Variants in STRIP2 observed in about 807,000 individuals in gnomAD.
STRIP2 encodes striatin interacting protein 2.
STRIP2 carries 84 observed loss-of-function variants against 107.1 expected under a neutral mutation model. The observed-to-expected ratio is 0.78, with a 90% confidence interval of 0.66 to 0.94. STRIP2 has a LOEUF of 0.94. Ranked by LOEUF, STRIP2 falls within the 40% of genes least tolerant of loss-of-function variation. The pLI is 0.00. For missense variants in STRIP2, 888 were observed against 1,034.2 expected (o/e 0.86, Z 1.94); for synonymous variants, 394 against 400.4 (o/e 0.98, Z 0.19).
At chr7:129,484,900 G>C (rs1344651288) in intron 20 of STRIP2, among the ~76,000 whole-genome samples, 1 of 152,142 alleles carries the variant, frequency 6.6e-6, no homozygotes, top group Non-Finnish European at 1.5e-5. Context: ...TGGGAGATTT[G>C]TATCTTCAGC....
intron 18 of STRIP2, among the ~76,000 whole-genome samples, chr7:129,475,664 A>G (rs565410402): frequency 8.5e-4 from 129 of 151,282 alleles, no homozygotes; most frequent in Non-Finnish European, 1.5e-3. Context: ...TCAGCAGATA[A>G]ACAAGTGAAC....
At chr7:129,438,254 G>A (rs919128638) in intron 1 of STRIP2, among the ~76,000 whole-genome samples, 19 of 152,114 alleles carry the variant, frequency 1.2e-4, no homozygotes, top group Admixed American at 5.2e-4. Context: ...AGAAAAAAGT[G>A]TAAGTCTATT....
Position 129,458,046 on chromosome 7 carries a change from G to C in STRIP2, c.1039-169G>C. 1 of 674,094 alleles carries C rather than the reference G, an allele frequency of 1.5e-6. No homozygotes were observed. The highest frequency in any genetic ancestry group is 1.6e-5 in the South Asian group (1 of 61,226). 41.8% of individuals were successfully genotyped at this position (674,094 alleles called of 1,614,324 possible). On this transcript the variant is annotated intron_variant, in intron 9 of 20. Coordinates refer to ENST00000249344, the MANE Select transcript of STRIP2 (RefSeq NM_020704.3). This position sits in a 1 kb window ranked among gnomAD's most constrained non-coding sequence, Gnocchi z 4.6. ...CTGAGAACTTCTTGTCCTGTTATTG[G>C]GCCGGGTGGGGACAGTAGGTTAAGG...
intron 6 of STRIP2, 78 bp from the exon 7 acceptor site, chr7:129,454,343 C>T: frequency 6.8e-7 from 1 of 1,461,948 alleles, no homozygotes; most frequent in Non-Finnish European, 9.6e-7. Context: ...GGGCTTCCCA[C>T]AGAGACCATC....
intron 20 of STRIP2, among the ~76,000 whole-genome samples, chr7:129,484,019 T>C (rs952384558): frequency 2.6e-5 from 4 of 152,212 alleles, no homozygotes; most frequent in African/African-American, 4.8e-5. Context: ...GTGCTGGGAT[T>C]ACAGGTGTAA....
intron 18 of STRIP2, chr7:129,478,002 A>G (rs922027625): frequency 1.4e-5 from 7 of 485,476 alleles, no homozygotes; most frequent in South Asian, 9.4e-5. Context: ...CTTGTGATAG[A>G]TAAGTGTGTG....
chr7:129,472,410 A>G (rs1220123219), intron 18 of STRIP2, among the ~76,000 whole-genome samples: 5 of 152,212 alleles, frequency 3.3e-5, no homozygotes, highest in Non-Finnish European at 5.9e-5. Context: ...ATAATTTATT[A>G]TGTTTTCTAA....
chr7:129,455,149 GTGCCTTCC>G (rs891332755), intron 7 of STRIP2, 87 bp from the exon 8 acceptor site: 5 of 1,436,278 alleles, frequency 3.5e-6, no homozygotes, highest in Non-Finnish European at 4.7e-6. Context: ...GGGGAGGTGA[GTGCCTTCC>G]TGTGTGTGTC....
chr7:129,454,932 G>A (rs139296622), intron 7 of STRIP2, among the ~76,000 whole-genome samples: 2 of 152,348 alleles, frequency 1.3e-5, no homozygotes, highest in Non-Finnish European at 2.9e-5. Context: ...ATTTATTGAT[G>A]TGGAAAAGTG....
Position 129,434,490 on chromosome 7 carries a change from G to A in STRIP2, c.18G>A (p.Ala6=). MEDPA[A]PGTGGPPANG... Reference sequence around the variant, plus strand: ...CCAGCAGCATGGAGGACCCCGCCGCGCCTGGGACCGGGGGCCCGCCCGCAA... The same window carrying A: ...CCAGCAGCATGGAGGACCCCGCCGCACCTGGGACCGGGGGCCCGCCCGCAA... The change falls in exon 1 of 21, where the codon GCG becomes GCA. Residue 6 remains alanine, a synonymous_variant. Transcript: ENST00000249344. The A allele has an allele frequency of 6.6e-7, 1 of 1,515,736 alleles. No homozygotes were observed. The highest frequency in any genetic ancestry group is 8.8e-7 in the Non-Finnish European group (1 of 1,138,624). 93.9% of individuals were successfully genotyped at this position (1,515,736 alleles called of 1,614,324 possible). A position where few individuals can be genotyped will look rare whatever the true frequency, so the allele number is the denominator to read the frequency against.
In STRIP2 at chr7:129,454,436, T is replaced by C. The variant is rs1227161358; in HGVS notation, c.615T>C (p.Val205=). 4 of 1,613,700 alleles carry C rather than the reference T, an allele frequency of 2.5e-6. No homozygotes were observed. Among genetic ancestry groups the C allele is most frequent in the African/African-American group, 1.3e-5 (1 of 74,838 alleles). ...GTAACCCCAGGGTGCTGCTGAGTGT[T>C]ATGTACCTAATGGTGGAAAATATTC... is the stretch of plus-strand genomic sequence containing the variant. ...DSTELRVLLS[V]MYLMVENIRL... is the part of the protein sequence containing the mutation. The change falls in exon 7 of 21, where the codon GTT becomes GTC. Residue 205 remains valine (V), a synonymous_variant. Coordinates refer to ENST00000249344, the MANE Select transcript of STRIP2 (RefSeq NM_020704.3).
Position 129,483,010 on chromosome 7 carries a change from C to T in STRIP2, c.2218C>T (p.Arg740Cys), listed in dbSNP as rs1221943301. The change falls in exon 20 of 21, where the codon CGT becomes TGT. Residue 740 changes from arginine to cysteine, a missense_variant. Coordinates refer to ENST00000249344, the MANE Select transcript of STRIP2 (RefSeq NM_020704.3). The surrounding 1 kb of genome is among the most constrained non-coding windows in gnomAD (Gnocchi z 5.1). ...KTMSAIYQKV[R>C]HRMNDDWAYG... ...CATGTCAGCCATTTACCAGAAAGTG[C>T]GTCACCGCATGAACGATGACTGGGC... is the stretch of plus-strand genomic sequence containing the variant. The T allele has an allele frequency of 5.6e-6, 9 of 1,614,066 alleles. No homozygotes were observed. The highest frequency in any genetic ancestry group is 4.5e-5 in the East Asian group (2 of 44,892).
In STRIP2 at chr7:129,467,452, T is replaced by C. The variant is rs1294094112; in HGVS notation, c.1877+2T>C. The C allele has an allele frequency of 6.2e-7, 1 of 1,608,966 alleles. No individual in the cohort carries two copies. ...GTCATACATCACTGCCAAAAACAGG[T>C]ATGAACTCTGGACAGGTTTATTTCA... is the stretch of plus-strand genomic sequence containing the variant. On this transcript the variant is annotated splice_donor_variant, in intron 17 of 20. Coordinates refer to ENST00000249344, the MANE Select transcript of STRIP2 (RefSeq NM_020704.3). LOFTEE classifies it high-confidence loss of function.
rs985103303 is a variant in STRIP2 at position 129,467,391 on chromosome 7, C to A, written c.1818C>A (p.Ile606=). The A allele has an allele frequency of 2.5e-6, 4 of 1,613,628 alleles. No homozygotes were observed. Among genetic ancestry groups the A allele is most frequent in the Non-Finnish European group, 8.5e-7 (1 of 1,179,816 alleles). ...AACATTTGGTATTTGCCAACTGCAT[C>A]CCCTTGATCCTGAAGTTCTTCAATC... The part of the protein sequence containing the change: ...VSQHLVFANC[I]PLILKFFNQN... Residue 606 remains isoleucine (I), a synonymous_variant, in exon 17 of 21, where the codon ATC becomes ATA. Transcript: ENST00000249344.
chr7:129,434,616 A>AAGCTTCGGCTGGGGCCCGGAG lies in STRIP2; in HGVS notation c.129+17_129+37dup, dbSNP rs1430038640. On this transcript the variant is annotated intron_variant, in intron 1 of 20. Coordinates refer to ENST00000249344, the MANE Select transcript of STRIP2 (RefSeq NM_020704.3). ...GGGAGTCAGAGGTGAGGAGCCCGGA[A>AAGCTTCGGCTGGGGCCCGGAG]AGCTTCGGCTGGGGCCCGGAGACGC... is the stretch of plus-strand genomic sequence containing the variant. 2 of 1,474,170 alleles carry AAGCTTCGGCTGGGGCCCGGAG rather than the reference A, an allele frequency of 1.4e-6. No homozygotes were observed. The highest frequency in any genetic ancestry group is 1.8e-6 in the Non-Finnish European group (2 of 1,114,374). The allele number at this position is 1,474,170 out of a possible 1,614,324, so 91.3% of individuals were successfully genotyped here. A position where few individuals can be genotyped will look rare whatever the true frequency, so the allele number is the denominator to read the frequency against.
At chr7:129,443,557 C>T (rs989460327) in intron 2 of STRIP2, among the ~76,000 whole-genome samples, 2 of 152,156 alleles carry the variant, frequency 1.3e-5, no homozygotes, top group African/African-American at 4.8e-5. Context: ...CTGGTTCCAA[C>T]CCTGAAGAAC....
intron 17 of STRIP2, 139 bp from the exon 18 acceptor site, chr7:129,470,510 C>T (rs1017866718): frequency 3.1e-6 from 2 of 648,348 alleles, no homozygotes; most frequent in East Asian, 2.8e-5. Context: ...CCAGAGCCCT[C>T]ATTTCAGCTG....
intron 2 of STRIP2, among the ~76,000 whole-genome samples, chr7:129,443,317 A>G (rs1797950824): frequency 2.0e-5 from 3 of 152,186 alleles, no homozygotes; most frequent in Middle Eastern, 3.4e-3. Context: ...TGGGATTACA[A>G]TCCTATAGGT....
At chr7:129,439,933 G>A (rs1414791916) in intron 1 of STRIP2, 89 bp from the exon 2 acceptor site, 17 of 1,038,096 alleles carry the variant, frequency 1.6e-5, no homozygotes, top group Middle Eastern at 2.0e-4. Context: ...GCCTCCATGA[G>A]GGGAAGAAGA....
Sources: allele counts gnomAD v4.1 joint callset (sites outside exome capture counted in the v4.1 genomes callset), GRCh38; gene constraint gnomAD v4.1.1; non-coding constraint Gnocchi (gnomAD v3.1); transcripts MANE v1.5; gene names NCBI Gene and HGNC (gene_info 2026-07-23, HGNC 2026-07-21).